Variants in TTC28 observed in about 807,000 individuals in gnomAD.
The protein encoded by TTC28 is tetratricopeptide repeat domain 28.
A neutral mutation model predicts 198.0 loss-of-function variants in TTC28; 61 were observed. The observed-to-expected ratio is 0.31, with a 90% CI of 0.25 to 0.38. The LOEUF (loss-of-function observed/expected upper bound fraction) is 0.38. Ranked by LOEUF, TTC28 falls within the 10% of genes least tolerant of loss-of-function variation. The pLI, the probability that TTC28 is intolerant of heterozygous loss-of-function variation, is 1.00. For synonymous variants in TTC28, 1,171 were observed against 1,297.8 expected, an observed-to-expected ratio of 0.90 and a Z score of 2.10; for missense variants, 2,678 against 3,164.0, an observed-to-expected ratio of 0.85 and a Z score of 3.69.
At chr22:28,029,202 C>T in intron 13 of TTC28, 1 of 441,818 alleles carries the variant, frequency 2.3e-6, no homozygotes, top group South Asian at 1.7e-5. Flanking sequence ...AAGTTTTGGC[C>T]TCCTTACAAC....
At chr22:28,014,467 T>C (rs914035610) in intron 13 of TTC28, 75 bp from the exon 14 acceptor site, 4 of 1,449,092 alleles carry the variant, frequency 2.8e-6, no homozygotes, top group Non-Finnish European at 3.7e-6. Flanking sequence ...CTCCAAGCCA[T>C]GCCCCTGTAT....
At chr22:28,480,106 C>T (rs1156591207) in intron 2 of TTC28, among the ~76,000 whole-genome samples, 2 of 152,124 alleles carry the variant, frequency 1.3e-5, no homozygotes, top group African/African-American at 2.4e-5. Flanking sequence ...TTTTACAAGT[C>T]TCCAGATGTG....
At chr22:28,251,102 T>G (rs1201619134) in intron 5 of TTC28, among the ~76,000 whole-genome samples, 4 of 152,238 alleles carry the variant, frequency 2.6e-5, no homozygotes, top group African/African-American at 9.6e-5. Context: ...TGGCTATGAC[T>G]GGTTTTGGTT....
intron 6 of TTC28, among the ~76,000 whole-genome samples, chr22:28,116,516 T>C (rs1032969025): frequency 2.6e-5 from 4 of 151,936 alleles, no homozygotes; most frequent in Non-Finnish European, 4.4e-5. Context: ...GTGAAAAATA[T>C]GCTGGGCCTG....
chr22:28,409,185 A>G (rs2047042917), intron 2 of TTC28, among the ~76,000 whole-genome samples: 1 of 152,220 alleles, frequency 6.6e-6, no homozygotes, highest in African/African-American at 2.4e-5. Context: ...CAGTTCTTAA[A>G]ACTAAAAAAG....
At chr22:28,247,540 T>C (rs1204134246) in intron 5 of TTC28, among the ~76,000 whole-genome samples, 1 of 152,164 alleles carries the variant, frequency 6.6e-6, no homozygotes, top group Non-Finnish European at 1.5e-5. Flanking sequence ...AACAGATTGC[T>C]TCACTACAGT....
At chr22:28,324,229 A>T (rs545809216) in intron 2 of TTC28, among the ~76,000 whole-genome samples, 72 of 152,244 alleles carry the variant, frequency 4.7e-4, no homozygotes, top group African/African-American at 1.7e-3. Flanking sequence ...AGGTAGGTGG[A>T]TCACTTGAGC....
chr22:28,016,161 C>T (rs1938365857), intron 13 of TTC28, among the ~76,000 whole-genome samples: 1 of 152,120 alleles, frequency 6.6e-6, no homozygotes, highest in Non-Finnish European at 1.5e-5. Context: ...GGAGCCCACT[C>T]ACATCCGCTC....
chr22:28,142,842 TCAC>T (rs965204880), intron 6 of TTC28, among the ~76,000 whole-genome samples: 4 of 152,176 alleles, frequency 2.6e-5, no homozygotes, highest in Non-Finnish European at 5.9e-5. Context: ...TTCATAAACA[TCAC>T]CACCACCATG....
chr22:28,174,725 A>G (rs1034139962), intron 5 of TTC28, among the ~76,000 whole-genome samples: 6 of 152,152 alleles, frequency 3.9e-5, no homozygotes, highest in African/African-American at 9.7e-5. Flanking sequence ...AAGAAAAAGA[A>G]AAACTAAGAA....
chr22:28,578,425 C>G (rs1370325724), intron 2 of TTC28, among the ~76,000 whole-genome samples: 1 of 152,012 alleles, frequency 6.6e-6, no homozygotes. Context: ...AGTTGTTGAA[C>G]TGAACAAATT....
intron 3 of TTC28, among the ~76,000 whole-genome samples, chr22:28,298,878 C>T (rs982719770): frequency 6.6e-5 from 10 of 152,192 alleles, no homozygotes; most frequent in Admixed American, 4.6e-4. Flanking sequence ...ACTGCTGCTT[C>T]GGAAACCAGT....
At chr22:28,442,469 T>C (rs2047640226) in intron 2 of TTC28, among the ~76,000 whole-genome samples, 2 of 152,174 alleles carry the variant, frequency 1.3e-5, no homozygotes, top group African/African-American at 2.4e-5. Flanking sequence ...TTTTAACCCC[T>C]TGGGGAAATA....
At chr22:28,045,807 T>C (rs538452527) in intron 12 of TTC28, among the ~76,000 whole-genome samples, 19 of 152,184 alleles carry the variant, frequency 1.2e-4, no homozygotes, top group African/African-American at 3.9e-4. Flanking sequence ...CTACTAAAAA[T>C]ACAAAAATTA....
In TTC28 at chr22:27,983,416, T is replaced by C; in HGVS notation, c.6251A>G (p.Gln2084Arg). ...GCCTCCGGCTGTCCCAGGTTGGGGT[T>C]GTTTGTGGTCTGGTGAGAAGCATGT... is the stretch of plus-strand genomic sequence containing the variant. The part of the protein sequence containing the change: ...RNTCFSPDHK[Q>R]PQPGTAGGMR... The change falls in exon 23 of 23, where the codon CAA becomes CGA. Residue 2084 changes from glutamine to arginine, a missense_variant. Physicochemically the swap from Gln to Arg is conservative, Grantham distance 43 (BLOSUM62 1). Transcript: ENST00000397906. 1.3e-6 allele frequency: 2 copies of C among 1,551,124 alleles called. No individual in the cohort carries two copies. Among genetic ancestry groups the C allele is most frequent in the East Asian group, 2.4e-5 (1 of 40,878 alleles).
At chr22:28,116,264 G>T (rs1187525070) in intron 6 of TTC28, among the ~76,000 whole-genome samples, 1 of 152,196 alleles carries the variant, frequency 6.6e-6, no homozygotes. Context: ...GATACTTAAA[G>T]ACTAAGACTG....
chr22:28,299,242 TA>T (rs60581127), intron 3 of TTC28, among the ~76,000 whole-genome samples: 217 of 145,448 alleles, frequency 1.5e-3, no homozygotes, highest in African/African-American at 3.5e-3. Context: ...TATGCACATG[TA>T]AAAAAAAAAA....
intron 6 of TTC28, among the ~76,000 whole-genome samples, chr22:28,156,118 C>T (rs540048113): frequency 2.3e-4 from 35 of 152,344 alleles, no homozygotes; most frequent in South Asian, 4.1e-4. Flanking sequence ...TGAATAATGA[C>T]ATCCCCTGCA....
intron 16 of TTC28, chr22:27,997,917 G>C (rs1050673395): frequency 6.5e-6 from 1 of 152,998 alleles, no homozygotes; most frequent in Non-Finnish European, 1.5e-5. Context: ...CTGTATTCAG[G>C]AGGGGTGCCT....
Sources: allele counts gnomAD v4.1 joint callset (sites outside exome capture counted in the v4.1 genomes callset), GRCh38; gene constraint gnomAD v4.1.1; transcripts MANE v1.5; gene names NCBI Gene and HGNC (gene_info 2026-07-23, HGNC 2026-07-21).